The following DISC1 variants were observed in gnomAD, a reference collection of about 807,000 sequenced individuals.
The protein encoded by DISC1 is DISC1 scaffold protein, also known as disrupted in schizophrenia 1 protein.
In DISC1, 57 loss-of-function variants were observed where a neutral mutation model predicts 84.5. The observed-to-expected ratio is 0.67, with a 90% CI of 0.55 to 0.84. The LOEUF is 0.84. DISC1 is among the 40% of genes least tolerant of loss of function. The pLI, the probability that DISC1 is intolerant of heterozygous loss-of-function variation, is 0.00. For synonymous variants in DISC1, 411 were observed against 415.2 expected, an observed-to-expected ratio of 0.99 and a Z score of 0.12; for missense variants, 1,000 against 1,057.8, an observed-to-expected ratio of 0.95 and a Z score of 0.76.
At chr1:231,760,743 C>T (rs553010483) in intron 4 of DISC1, among the ~76,000 whole-genome samples, 1 of 152,304 alleles carries the variant, frequency 6.6e-6, no homozygotes, top group South Asian at 2.1e-4. Context: ...AGGTGGATTT[C>T]CTGGCTTCTC....
chr1:231,696,680 A>G (rs963137230), intron 2 of DISC1, among the ~76,000 whole-genome samples: 2 of 152,138 alleles, frequency 1.3e-5, no homozygotes, highest in African/African-American at 2.4e-5. Flanking sequence ...TACCCTTTCT[A>G]TGTTCAGATA....
At chr1:231,871,972 T>C (rs2085496384) in intron 9 of DISC1, among the ~76,000 whole-genome samples, 1 of 152,172 alleles carries the variant, frequency 6.6e-6, no homozygotes, top group South Asian at 2.1e-4. Flanking sequence ...CCCATCTCTG[T>C]ACCACAGTGG....
intron 11 of DISC1, among the ~76,000 whole-genome samples, chr1:232,017,641 A>G (rs1668607389): frequency 6.6e-6 from 1 of 152,154 alleles, no homozygotes; most frequent in Non-Finnish European, 1.5e-5. Context: ...AGTCACGGCA[A>G]AGAGTACCGT....
chr1:232,022,901 C>T (rs1669099128), intron 11 of DISC1, among the ~76,000 whole-genome samples: 1 of 152,160 alleles, frequency 6.6e-6, no homozygotes, highest in South Asian at 2.1e-4. Flanking sequence ...GAGAGAGATC[C>T]TGTAACTTGT....
At chr1:231,866,615 C>G (rs1297148552) in intron 9 of DISC1, 3 of 1,558,604 alleles carry the variant, frequency 1.9e-6, no homozygotes, top group Non-Finnish European at 2.6e-6. Context: ...GATTTGAACC[C>G]AGAGAGTCTG....
chr1:231,855,552 C>A (rs1330107444), intron 9 of DISC1, among the ~76,000 whole-genome samples: 1 of 152,166 alleles, frequency 6.6e-6, no homozygotes. Flanking sequence ...CTTGCATTTA[C>A]AACATAAAGC....
At chr1:231,849,874 TG>T (rs1453079118) in intron 9 of DISC1, among the ~76,000 whole-genome samples, 1 of 152,172 alleles carries the variant, frequency 6.6e-6, no homozygotes. Context: ...GAGCAAGGAC[TG>T]GGTCTTATTT....
intron 1 of DISC1, among the ~76,000 whole-genome samples, chr1:231,641,992 G>A (rs550960879): frequency 6.6e-6 from 1 of 152,366 alleles, no homozygotes; most frequent in South Asian, 2.1e-4. Flanking sequence ...GGGCGCTGTG[G>A]AGCAGGGGGC....
At position 231,728,198 on chromosome 1, in the gene DISC1, G is replaced by C. The variant is rs377598820; in HGVS notation, c.1118-21728G>C. ...TAGAGGTTTATCTTTAGGATCACAT[G>C]TTGTGCCATCTATGATGTTAATCTT... On this transcript the variant is annotated intron_variant, in intron 3 of 12. Transcript: ENST00000439617. 7.9e-4 allele frequency among the ~76,000 whole-genome samples: 121 copies of C among 152,212 alleles called. 1 individual carries two copies. The South Asian group carries it at 0.012, about 16-fold the overall frequency.
chr1:231,649,879 C>G (rs1473687195), intron 1 of DISC1, among the ~76,000 whole-genome samples: 2 of 152,080 alleles, frequency 1.3e-5, no homozygotes, highest in Non-Finnish European at 2.9e-5. Context: ...AGGATTGCAA[C>G]CCCTGCTTTT....
rs769773758 is a variant in DISC1, at chr1:231,974,928, G to A, written c.2042+16040G>A. Reference sequence around the variant, plus strand: ...ATCCTGGCTAACATGGTGAAACCCCGTCTCCACTAAAAATACAAAAAATTA... The same window carrying A: ...ATCCTGGCTAACATGGTGAAACCCCATCTCCACTAAAAATACAAAAAATTA... On this transcript the variant is annotated intron_variant, in intron 10 of 12. Coordinates refer to ENST00000439617, the MANE Select transcript of DISC1 (RefSeq NM_018662.3). 7.9e-5 allele frequency among the ~76,000 whole-genome samples: 12 copies of A among 152,054 alleles called. No homozygotes were observed. In the South Asian group the frequency reaches 1.5e-3, roughly 18 times the overall value.
chr1:231,704,641 T>G (rs1379492006), intron 3 of DISC1, among the ~76,000 whole-genome samples: 1 of 151,104 alleles, frequency 6.6e-6, no homozygotes, highest in African/African-American at 2.4e-5. Flanking sequence ...GCGCCTGTAG[T>G]CCCAGCTACT....
chr1:231,694,197 T>A lies in DISC1; in HGVS notation c.439T>A (p.Phe147Ile). The A allele has an allele frequency of 6.2e-7, 1 of 1,614,034 alleles. No homozygotes were observed. Among genetic ancestry groups the A allele is most frequent in the South Asian group, 1.1e-5 (1 of 91,074 alleles). Residue 147 changes from phenylalanine (F) to isoleucine (I), a missense_variant, in exon 2 of 13, where the codon TTT becomes ATT. Physicochemically the swap from Phe to Ile is conservative, Grantham distance 21. Around this residue, in one of 3 missense-constraint regions of DISC1, gnomAD observed 292 missense variants for 280.2 expected, o/e 1.04. Transcript: ENST00000439617. The part of the protein sequence containing the change: ...GPGSAGWQQE[F>I]AAMDSSETLD... Reference sequence around the variant, plus strand: ...TGGGAGTGCTGGGTGGCAGCAAGAGTTTGCAGCCATGGATAGTTCTGAGAC... The same window carrying A: ...TGGGAGTGCTGGGTGGCAGCAAGAGATTGCAGCCATGGATAGTTCTGAGAC...
rs145320668 is a variant in DISC1, at chr1:231,691,710, T to A, written c.68-2116T>A. On this transcript the variant is annotated intron_variant, in intron 1 of 12. Coordinates refer to ENST00000439617, the MANE Select transcript of DISC1 (RefSeq NM_018662.3). ...TAATTGAAGCCAGAATTCAGTGTTTTCTCTAACTTCTTTTCGGATTCTTTG... is the reference window on the plus strand; with the variant it reads ...TAATTGAAGCCAGAATTCAGTGTTTACTCTAACTTCTTTTCGGATTCTTTG... Among the ~76,000 whole-genome samples, 526 of 152,352 alleles carry A rather than the reference T, an allele frequency of 3.5e-3. 1 individual carries two copies. The highest frequency in any genetic ancestry group is 0.012 in the African/African-American group (495 of 41,576).
At chr1:232,020,721 GTTTCT>G (rs1410153910) in intron 11 of DISC1, among the ~76,000 whole-genome samples, 2 of 152,098 alleles carry the variant, frequency 1.3e-5, no homozygotes, top group East Asian at 3.9e-4. Context: ...GAAAAAAAAA[GTTTCT>G]TTTATTTTAA....
chr1:231,713,711 T>G (rs1006224055), intron 3 of DISC1, among the ~76,000 whole-genome samples: 1 of 144,386 alleles, frequency 6.9e-6, no homozygotes, highest in Non-Finnish European at 1.5e-5. Flanking sequence ...GAGATATATA[T>G]ATATATATAT....
chr1:231,676,982 T>C (rs986434657), intron 1 of DISC1, among the ~76,000 whole-genome samples: 1 of 152,224 alleles, frequency 6.6e-6, no homozygotes. Context: ...GTGTGAAATG[T>C]CACTTTTCCC....
chr1:231,975,540 TTCCAAC>T (rs1558799261), intron 10 of DISC1, among the ~76,000 whole-genome samples: 1 of 152,208 alleles, frequency 6.6e-6, no homozygotes, highest in Non-Finnish European at 1.5e-5. Flanking sequence ...ACAGCACTAT[TTCCAAC>T]AGCAAAGATA....
intron 1 of DISC1, among the ~76,000 whole-genome samples, chr1:231,668,434 A>AT (rs1446956930): frequency 6.6e-6 from 1 of 152,036 alleles, no homozygotes; most frequent in Non-Finnish European, 1.5e-5. Flanking sequence ...GCTTGGGAAC[A>AT]TTTTTCACCT....
Sources: gnomAD v4.1 joint callset for allele counts (sites outside exome capture counted in the v4.1 genomes callset) on GRCh38, gnomAD v4.1.1 for gene constraint, gnomAD v4.1.1 regional missense constraint, MANE v1.5 for transcripts, NCBI Gene and HGNC (gene_info 2026-07-23, HGNC 2026-07-21) for gene names.